The following MECR variants were observed in gnomAD, a reference collection of about 807,000 sequenced individuals.
MECR encodes mitochondrial trans-2-enoyl-CoA reductase.
A neutral mutation model predicts 49.1 loss-of-function variants in MECR; 37 were observed. The observed-to-expected ratio is 0.75, with a 90% CI of 0.58 to 0.99. The LOEUF is 0.99. Ranked by LOEUF, MECR falls within the 50% of genes least tolerant of loss-of-function variation. The pLI, the probability that MECR is intolerant of heterozygous loss-of-function variation, is 0.00. For synonymous variants in MECR, 198 were observed against 191.1 expected, an observed-to-expected ratio of 1.04 and a Z score of -0.30; for missense variants, 470 against 479.6, an observed-to-expected ratio of 0.98 and a Z score of 0.19.
At chr1:29,168,351 A>C in the MECR span, among the ~76,000 whole-genome samples, 2 of 152,180 alleles carry the variant, frequency 1.3e-5, no homozygotes, top group Non-Finnish European at 2.9e-5. Context: ...TTTTAAAGGC[A>C]GATGCTTCTC....
intron 3 of MECR, among the ~76,000 whole-genome samples, chr1:29,209,973 G>C (rs1331597904): frequency 2.0e-5 from 3 of 151,940 alleles, no homozygotes; most frequent in Admixed American, 2.0e-4. Flanking sequence ...GTCAATGTGG[G>C]CTTTAGGGAC....
chr1:29,228,608 G>A (rs1682697245), intron 1 of MECR, among the ~76,000 whole-genome samples: 3 of 152,196 alleles, frequency 2.0e-5, no homozygotes, highest in South Asian at 2.1e-4. Context: ...GAGCCATCGC[G>A]CCCGGTTGGA....
At chr1:29,178,353 C>CTTCTTCTTTTTTTTTT in the MECR span, among the ~76,000 whole-genome samples, 2 of 127,906 alleles carry the variant, frequency 1.6e-5, no homozygotes, top group East Asian at 4.6e-4. Context: ...GTTTCAATTA[C>CTTCTTCTTTTTTTTTT]TTTTTTTTTT....
At chr1:29,223,113 C>T in intron 1 of MECR, 1 of 985,444 alleles carries the variant, frequency 1.0e-6, no homozygotes, top group Non-Finnish European at 1.2e-6. Flanking sequence ...CCCAGCCTGG[C>T]TAGATCTCAA....
chr1:29,207,137 T>C (rs1676807490), intron 3 of MECR, among the ~76,000 whole-genome samples: 1 of 152,164 alleles, frequency 6.6e-6, no homozygotes, highest in Admixed American at 6.5e-5. Context: ...AATTTTTTTT[T>C]TGGAGACAGA....
At chr1:29,218,801 C>T (rs188699091) in intron 1 of MECR, among the ~76,000 whole-genome samples, 7 of 152,252 alleles carry the variant, frequency 4.6e-5, no homozygotes, top group African/African-American at 1.2e-4. Flanking sequence ...AGCTGGAGGA[C>T]GGGGAGCCCT....
At chr1:29,228,730 C>A (rs1407285711) in intron 1 of MECR, among the ~76,000 whole-genome samples, 1 of 152,056 alleles carries the variant, frequency 6.6e-6, no homozygotes, top group Non-Finnish European at 1.5e-5. Context: ...GTTCCAGCTT[C>A]TCTGGCTCTC....
At chr1:29,178,353 C>CTTCTTTTTTTT in the MECR span, among the ~76,000 whole-genome samples, 73,986 of 126,910 alleles carry the variant, frequency 0.58, 24,198 homozygotes, top group Non-Finnish European at 0.72. Flanking sequence ...GTTTCAATTA[C>CTTCTTTTTTTT]TTTTTTTTTT....
chr1:29,209,480 G>A (rs1677415838), intron 3 of MECR, among the ~76,000 whole-genome samples: 1 of 152,166 alleles, frequency 6.6e-6, no homozygotes, highest in Non-Finnish European at 1.5e-5. Flanking sequence ...TGAAGACTGT[G>A]GAGTGGGGAG....
rs558292162 is a variant in MECR, at chr1:29,223,702, C to T, written c.177-7017G>A. Among the ~76,000 whole-genome samples the T allele has an allele frequency of 4.6e-5, 7 of 152,324 alleles. No individual in the cohort carries two copies. The South Asian group carries it at 1.5e-3, about 32-fold the overall frequency. ...CTGTGGTCCCCTGGTCACCAAACTG[C>T]CTTCTGTGATTCAGTGAAATGCCTG... On this transcript the variant is annotated intron_variant, in intron 1 of 9. Coordinates refer to ENST00000263702, the MANE Select transcript of MECR (RefSeq NM_016011.5).
the MECR span, among the ~76,000 whole-genome samples, chr1:29,174,153 C>T: frequency 6.7e-6 from 1 of 148,544 alleles, no homozygotes; most frequent in Non-Finnish European, 1.5e-5. Flanking sequence ...CATGCCACTG[C>T]ACTGCACTGC....
At chr1:29,169,252 T>C in the MECR span, 8 of 152,192 alleles carry the variant, frequency 5.3e-5, no homozygotes, top group African/African-American at 1.4e-4. Flanking sequence ...AGACCTGGGA[T>C]TCTTCACACC....
the MECR span, among the ~76,000 whole-genome samples, chr1:29,185,617 G>A: frequency 6.6e-6 from 1 of 152,152 alleles, no homozygotes; most frequent in Non-Finnish European, 1.5e-5. Context: ...GTTTCTCCAC[G>A]TTGGTCAGGC....
At chr1:29,177,156 T>G in the MECR span, among the ~76,000 whole-genome samples, 1 of 152,116 alleles carries the variant, frequency 6.6e-6, no homozygotes, top group East Asian at 1.9e-4. Flanking sequence ...ATAAAATCTA[T>G]ATACAATCAA....
rs759218713 is a variant in MECR at position 29,196,235 on chromosome 1, T to C, written c.854A>G (p.Tyr285Cys). The C allele has an allele frequency of 2.5e-6, 4 of 1,613,466 alleles. No homozygotes were observed. The highest frequency in any genetic ancestry group is 2.5e-6 in the Non-Finnish European group (3 of 1,179,658). Residue 285 changes from tyrosine to cysteine, a missense_variant, in exon 8 of 10, where the codon TAT becomes TGT. By Grantham distance (194) the Tyr-to-Cys change is radical. Coordinates refer to ENST00000263702, the MANE Select transcript of MECR (RefSeq NM_016011.5). ...GACGGGCTGCTTGGCCATCCCCCCATAGGTTACCATGGTTCCTCCACGCCT... is the reference window on the plus strand; with the variant it reads ...GACGGGCTGCTTGGCCATCCCCCCACAGGTTACCATGGTTCCTCCACGCCT... ...QLARGGTMVTYGGMAKQPVVA... is the reference protein window; with the variant it reads ...QLARGGTMVTCGGMAKQPVVA...
the MECR span, among the ~76,000 whole-genome samples, chr1:29,176,037 G>A: frequency 6.6e-6 from 1 of 152,124 alleles, no homozygotes; most frequent in Non-Finnish European, 1.5e-5. Flanking sequence ...TGGATCATGA[G>A]GTCAGGAGAT....
intron 1 of MECR, among the ~76,000 whole-genome samples, chr1:29,221,773 G>A (rs1680834794): frequency 6.6e-6 from 1 of 152,182 alleles, no homozygotes; most frequent in African/African-American, 2.4e-5. Context: ...TTGGCTGGGT[G>A]GGTGGAGTCT....
chr1:29,170,249 T>A, the MECR span: 1 of 151,938 alleles, frequency 6.6e-6, no homozygotes, highest in Non-Finnish European at 1.5e-5. Flanking sequence ...TAAAAACGAT[T>A]TGAAAAAACT....
chr1:29,174,819 G>A, the MECR span, among the ~76,000 whole-genome samples: 1 of 151,458 alleles, frequency 6.6e-6, no homozygotes, highest in East Asian at 1.9e-4. Flanking sequence ...GACTACAGGC[G>A]TGCGCCATCA....
Sources: gnomAD v4.1 joint callset for allele counts (sites outside exome capture counted in the v4.1 genomes callset) on GRCh38, gnomAD v4.1.1 for gene constraint, MANE v1.5 for transcripts, NCBI Gene and HGNC (gene_info 2026-07-23, HGNC 2026-07-21) for gene names.